The following TNKS variants were observed in gnomAD, a reference collection of about 807,000 sequenced individuals.
The protein encoded by TNKS is tankyrase, also known as poly [ADP-ribose] polymerase tankyrase-1.
In TNKS, 72 loss-of-function variants were observed where a neutral mutation model predicts 135.8. The observed-to-expected ratio is 0.53, with a 90% CI of 0.44 to 0.64. The LOEUF is 0.64. Ranked by LOEUF, TNKS falls within the 30% of genes least tolerant of loss-of-function variation. The pLI is 0.00. For missense variants in TNKS, 1,769 were observed against 1,674.0 expected (o/e 1.06, Z -0.99); for synonymous variants, 849 against 649.3 (o/e 1.31, Z -4.68).
At chr8:9,650,334 C>A (rs1020937976) in intron 3 of TNKS, among the ~76,000 whole-genome samples, 2 of 152,112 alleles carry the variant, frequency 1.3e-5, no homozygotes, top group African/African-American at 4.8e-5. Flanking sequence ...TGGGTAGATA[C>A]CCAGTAATGG....
At position 9,641,548 on chromosome 8, in the gene TNKS, ATTGACAGAAC is replaced by A. The variant is rs565729939; in HGVS notation, c.994+25875_994+25884del. 1.9e-3 allele frequency among the ~76,000 whole-genome samples: 279 copies of A among 146,058 alleles called. 29 individuals carry two copies. Among genetic ancestry groups the A allele is most frequent in the African/African-American group, 6.6e-3 (262 of 39,492 alleles). On this transcript the variant is annotated intron_variant, in intron 3 of 26. Transcript: ENST00000310430. ...AATTCTACTTACCATTGCCTAATAC[ATTGACAGAAC>A]TTGTGTTTTTGGAATTTATTCACAA...
intron 12 of TNKS, among the ~76,000 whole-genome samples, chr8:9,726,298 G>C (rs1034437434): frequency 1.8e-4 from 27 of 152,280 alleles, no homozygotes; most frequent in African/African-American, 6.5e-4. Context: ...CTGAGGTGGG[G>C]AGGATTGCTT....
chr8:9,768,558 G>C (rs968899754), intron 25 of TNKS, among the ~76,000 whole-genome samples: 13 of 152,348 alleles, frequency 8.5e-5, no homozygotes, highest in Middle Eastern at 3.4e-3. Context: ...ACTTGAGCCA[G>C]CTCTCTACTT....
intron 17 of TNKS, 29 bp from the exon 18 acceptor site, chr8:9,747,995 A>C (rs1434486657): frequency 6.3e-7 from 1 of 1,577,798 alleles, no homozygotes; most frequent in Non-Finnish European, 8.6e-7. Flanking sequence ...CTCATTCTTA[A>C]CTCTTTGTAT....
chr8:9,748,850 A>T (rs1806376197), intron 18 of TNKS, among the ~76,000 whole-genome samples: 1 of 152,188 alleles, frequency 6.6e-6, no homozygotes, highest in African/African-American at 2.4e-5. Flanking sequence ...TTCTGGTCTT[A>T]CCTGGGGTCA....
chr8:9,613,105 T>C (rs1052405016), intron 2 of TNKS, among the ~76,000 whole-genome samples: 7 of 152,094 alleles, frequency 4.6e-5, no homozygotes, highest in African/African-American at 1.7e-4. Context: ...AATCTGCATA[T>C]ATGTGGACTG....
rs560051682 is a variant in TNKS, at chr8:9,702,254, A to G, written c.1108-2409A>G. 2.3e-4 allele frequency among the ~76,000 whole-genome samples: 35 copies of G among 152,338 alleles called. No homozygotes were observed. In the South Asian group the frequency reaches 7.0e-3, roughly 31 times the overall value. On this transcript the variant is annotated intron_variant, in intron 5 of 26. Transcript: ENST00000310430. ...AAATTTTCCAAATTTAGTGAAAACT[A>G]TATAGGTCTAAGAAGCACTGCAAGC... is the stretch of plus-strand genomic sequence containing the variant.
intron 17 of TNKS, chr8:9,741,661 A>T (rs766296654): frequency 2.0e-6 from 1 of 496,466 alleles, no homozygotes; most frequent in South Asian, 1.5e-5. Flanking sequence ...GATCCCCATC[A>T]GTTAAGATGT....
intron 18 of TNKS, among the ~76,000 whole-genome samples, chr8:9,749,184 A>G (rs1341251920): frequency 1.3e-5 from 2 of 152,232 alleles, no homozygotes; most frequent in Non-Finnish European, 2.9e-5. Context: ...CTTTGAAAGG[A>G]GAAGCAAAAA....
At chr8:9,751,459 G>A in intron 18 of TNKS, 150 bp from the exon 19 acceptor site, 2 of 605,022 alleles carry the variant, frequency 3.3e-6, no homozygotes, top group Non-Finnish European at 5.7e-6. Flanking sequence ...CTTTGGAGCT[G>A]TGGATAGGAG....
rs759551617 is a variant in TNKS, at chr8:9,580,388, G to A, written c.898+5G>A. The A allele has an allele frequency of 1.2e-6, 2 of 1,611,276 alleles. No individual in the cohort carries two copies. Among genetic ancestry groups the A allele is most frequent in the East Asian group, 2.2e-5 (1 of 44,872 alleles). ...GGAAGATCGATGTGTGCATTGGTAA[G>A]TATCATTTGATGATATCTAAATTTT... On this transcript the variant is annotated splice_donor_5th_base_variant and intron_variant, in intron 2 of 26. Transcript: ENST00000310430.
Position 9,580,521 on chromosome 8 carries a change from G to T in TNKS, c.898+138G>T. ...AGAAGCAGTTCTTTTCCATCAAAAGGTAAACAGAGAGATGGTAATCTAAAG... is the reference window on the plus strand; with the variant it reads ...AGAAGCAGTTCTTTTCCATCAAAAGTTAAACAGAGAGATGGTAATCTAAAG... On this transcript the variant is annotated intron_variant, in intron 2 of 26. Coordinates refer to ENST00000310430, the MANE Select transcript of TNKS (RefSeq NM_003747.3). 5 of 758,716 alleles carry T rather than the reference G, an allele frequency of 6.6e-6. No homozygotes were observed. In the South Asian group the frequency reaches 9.9e-5, roughly 15 times the overall value. 47.0% of individuals were successfully genotyped at this position (758,716 alleles called of 1,614,324 possible).
chr8:9,585,498 A>C (rs531306018), intron 2 of TNKS, among the ~76,000 whole-genome samples: 1 of 152,318 alleles, frequency 6.6e-6, no homozygotes, highest in African/African-American at 2.4e-5. Flanking sequence ...TGTATATTGC[A>C]CTTTTCCAGA....
intron 5 of TNKS, among the ~76,000 whole-genome samples, chr8:9,702,114 G>A (rs1157739087): frequency 6.6e-6 from 1 of 152,158 alleles, no homozygotes; most frequent in Non-Finnish European, 1.5e-5. Context: ...AAGCCTAGAA[G>A]CAAGCTTTGA....
At chr8:9,688,921 G>A (rs539421275) in intron 5 of TNKS, among the ~76,000 whole-genome samples, 3 of 152,110 alleles carry the variant, frequency 2.0e-5, no homozygotes, top group South Asian at 2.1e-4. Flanking sequence ...GATTACAGGC[G>A]TGAGCCACTG....
chr8:9,751,521 A>C, intron 18 of TNKS, 88 bp from the exon 19 acceptor site: 1 of 1,272,780 alleles, frequency 7.9e-7, no homozygotes, highest in South Asian at 1.4e-5. Context: ...TTAAGGAAAA[A>C]ATCCACAAAG....
chr8:9,634,735 T>C (rs1467997936), intron 3 of TNKS, among the ~76,000 whole-genome samples: 1 of 152,064 alleles, frequency 6.6e-6, no homozygotes, highest in South Asian at 2.1e-4. Flanking sequence ...GAGACCCCAA[T>C]AGCAGTGGAG....
At chr8:9,671,383 C>G (rs551392541) in intron 3 of TNKS, among the ~76,000 whole-genome samples, 1 of 152,180 alleles carries the variant, frequency 6.6e-6, no homozygotes, top group East Asian at 1.9e-4. Context: ...ATTGGATAAA[C>G]AAATTGAGAT....
chr8:9,728,995 T>A (rs781622970), intron 13 of TNKS, among the ~76,000 whole-genome samples: 1 of 152,196 alleles, frequency 6.6e-6, no homozygotes, highest in Non-Finnish European at 1.5e-5. Flanking sequence ...TTTCTCTCAG[T>A]TCTGGAGGCT....
Sources: gnomAD v4.1 joint callset for allele counts (sites outside exome capture counted in the v4.1 genomes callset) on GRCh38, gnomAD v4.1.1 for gene constraint, MANE v1.5 for transcripts, NCBI Gene and HGNC (gene_info 2026-07-23, HGNC 2026-07-21) for gene names.